The following SUGCT variants were observed in gnomAD, a reference collection of about 807,000 sequenced individuals.
SUGCT encodes succinyl-CoA:glutarate CoA-transferase.
SUGCT carries 41 observed loss-of-function variants against 55.0 expected under a neutral mutation model. That is an observed-to-expected ratio of 0.74 (90% CI 0.58 to 0.97). The LOEUF is 0.97. SUGCT is among the 50% of genes least tolerant of loss of function. The probability of loss-of-function intolerance (pLI) is 0.00; values close to 1 mark genes in which losing one functional copy is unlikely to be tolerated. For missense variants in SUGCT, 568 were observed against 547.8 expected (o/e 1.04, Z -0.37); for synonymous variants, 187 against 200.4 (o/e 0.93, Z 0.56).
At position 40,274,637 on chromosome 7, in the gene SUGCT, G is replaced by A; in HGVS notation, c.701G>A (p.Cys234Tyr). The A allele has an allele frequency of 6.2e-7, 1 of 1,613,538 alleles. No homozygotes were observed. The highest frequency in any genetic ancestry group is 8.5e-7 in the Non-Finnish European group (1 of 1,179,650). Residue 234 changes from cysteine (C) to tyrosine (Y), a missense_variant, in exon 8 of 14, where the codon TGT (cysteine) becomes TAT (tyrosine). Physicochemically the swap from Cys to Tyr is radical, Grantham distance 194. Transcript: ENST00000335693. ...YKTGKGLFID[C>Y]NLLSSQVACL... Reference sequence around the variant, plus strand: ...ACTGGGAAAGGACTGTTCATTGATTGTAACCTACTGTCATCCCAGGTAACA... The same window carrying A: ...ACTGGGAAAGGACTGTTCATTGATTATAACCTACTGTCATCCCAGGTAACA...
chr7:40,719,649 C>G (rs1203566548), intron 12 of SUGCT, among the ~76,000 whole-genome samples: 1 of 152,126 alleles, frequency 6.6e-6, no homozygotes, highest in African/African-American at 2.4e-5. Context: ...TGGTTCCACA[C>G]AGAGGGAGAA....
the SUGCT span, among the ~76,000 whole-genome samples, chr7:40,916,669 C>T: frequency 6.6e-6 from 1 of 152,080 alleles, no homozygotes; most frequent in South Asian, 2.1e-4. Context: ...TTTGATTTTT[C>T]AATTACTTAA....
intron 8 of SUGCT, among the ~76,000 whole-genome samples, chr7:40,310,520 G>A (rs576964476): frequency 6.6e-6 from 1 of 152,278 alleles, no homozygotes; most frequent in East Asian, 1.9e-4. Context: ...GTCAACATTG[G>A]CTCTGTAATT....
chr7:40,851,292 G>C (rs995809979), intron 13 of SUGCT, among the ~76,000 whole-genome samples: 15 of 151,568 alleles, frequency 9.9e-5, no homozygotes, highest in Admixed American at 9.9e-4. Flanking sequence ...CCTCCTTTGT[G>C]ATTTAGGCAT....
At chr7:40,225,850 G>C (rs1265486252) in intron 6 of SUGCT, among the ~76,000 whole-genome samples, 1 of 152,088 alleles carries the variant, frequency 6.6e-6, no homozygotes, top group Non-Finnish European at 1.5e-5. Context: ...GTATCTTTGG[G>C]TAAGGCACTT....
intron 12 of SUGCT, among the ~76,000 whole-genome samples, chr7:40,669,992 A>G (rs1801852414): frequency 6.6e-6 from 1 of 151,840 alleles, no homozygotes; most frequent in Non-Finnish European, 1.5e-5. Flanking sequence ...AAAATACATC[A>G]TAATACTGAA....
At chr7:40,808,844 C>G (rs1791246739) in intron 13 of SUGCT, among the ~76,000 whole-genome samples, 1 of 152,172 alleles carries the variant, frequency 6.6e-6, no homozygotes, top group Non-Finnish European at 1.5e-5. Context: ...TTATCTTGCT[C>G]ACTTCCCAGA....
At chr7:40,666,787 G>A (rs1467983490) in intron 12 of SUGCT, among the ~76,000 whole-genome samples, 1 of 152,124 alleles carries the variant, frequency 6.6e-6, no homozygotes, top group Non-Finnish European at 1.5e-5. Context: ...ACAACATAAA[G>A]AAGAAGTGGA....
At chr7:40,444,497 T>C (rs1336003890) in intron 9 of SUGCT, among the ~76,000 whole-genome samples, 3 of 152,054 alleles carry the variant, frequency 2.0e-5, no homozygotes, top group Admixed American at 1.3e-4. Flanking sequence ...TGTGAATGGG[T>C]GTTCACTCGT....
At chr7:40,522,940 A>G (rs1278742391) in intron 12 of SUGCT, among the ~76,000 whole-genome samples, 1 of 152,120 alleles carries the variant, frequency 6.6e-6, no homozygotes, top group Non-Finnish European at 1.5e-5. Flanking sequence ...TACAAAAAAT[A>G]CATTTTATGC....
At chr7:40,606,298 A>G (rs1315926855) in intron 12 of SUGCT, among the ~76,000 whole-genome samples, 3 of 152,222 alleles carry the variant, frequency 2.0e-5, no homozygotes, top group Non-Finnish European at 2.9e-5. Context: ...TGTGGATGAC[A>G]CTGATAACAG....
At chr7:40,798,180 ATAT>A (rs890645006) in intron 13 of SUGCT, among the ~76,000 whole-genome samples, 1 of 152,152 alleles carries the variant, frequency 6.6e-6, no homozygotes, top group African/African-American at 2.4e-5. Flanking sequence ...TAATAATTTG[ATAT>A]TATGTCTTTT....
chr7:40,810,942 G>A (rs534872767), intron 13 of SUGCT, among the ~76,000 whole-genome samples: 48 of 152,146 alleles, frequency 3.2e-4, no homozygotes, highest in Non-Finnish European at 3.8e-4. Context: ...TTTGTATATC[G>A]TGAAAGGTAG....
chr7:40,486,897 T>C (rs1323743146), intron 11 of SUGCT, among the ~76,000 whole-genome samples: 1 of 151,872 alleles, frequency 6.6e-6, no homozygotes, highest in Non-Finnish European at 1.5e-5. Context: ...TGGCTAACTT[T>C]TTTTTTTCTG....
intron 9 of SUGCT, among the ~76,000 whole-genome samples, chr7:40,445,498 A>C (rs1469767841): frequency 1.3e-5 from 2 of 152,196 alleles, no homozygotes; most frequent in African/African-American, 4.8e-5. Flanking sequence ...AAATTGAGGC[A>C]ATAATTAATA....
intron 12 of SUGCT, among the ~76,000 whole-genome samples, chr7:40,631,675 A>G (rs1799795341): frequency 6.6e-6 from 1 of 152,172 alleles, no homozygotes; most frequent in African/African-American, 2.4e-5. Context: ...ATGTCTCCTG[A>G]GACATAAGGG....
chr7:40,290,192 C>T (rs576232527), intron 8 of SUGCT, among the ~76,000 whole-genome samples: 66 of 152,138 alleles, frequency 4.3e-4, no homozygotes, highest in Middle Eastern at 3.4e-3. Context: ...GAGCCCGCAT[C>T]GCCAAGTCAA....
At chr7:41,010,783 G>T in the SUGCT span, among the ~76,000 whole-genome samples, 2 of 152,024 alleles carry the variant, frequency 1.3e-5, no homozygotes, top group Non-Finnish European at 2.9e-5. Flanking sequence ...TAAATTAGTT[G>T]AAAGAGAAAA....
At chr7:40,544,161 T>G (rs1465086070) in intron 12 of SUGCT, among the ~76,000 whole-genome samples, 1 of 151,268 alleles carries the variant, frequency 6.6e-6, no homozygotes, top group Non-Finnish European at 1.5e-5. Flanking sequence ...GGGCAGTTTC[T>G]GTACACACCC....
Sources: gnomAD v4.1 joint callset for allele counts (sites outside exome capture counted in the v4.1 genomes callset) on GRCh38, gnomAD v4.1.1 for gene constraint, MANE v1.5 for transcripts, NCBI Gene and HGNC (gene_info 2026-07-23, HGNC 2026-07-21) for gene names.